The following CDH11 variants were observed in gnomAD, a reference collection of about 807,000 sequenced individuals.
The protein encoded by CDH11 is cadherin 11, also known as cadherin-11.
Under a neutral mutation model 67.8 loss-of-function variants are expected in CDH11, and 11 were observed. The observed-to-expected ratio is 0.16, with a 90% CI of 0.10 to 0.27. The LOEUF (loss-of-function observed/expected upper bound fraction) is 0.27. CDH11 is among the 10% of genes least tolerant of loss of function. CDH11 has a pLI of 1.00. For missense variants in CDH11, 847 were observed against 1,031.2 expected, an observed-to-expected ratio of 0.82 and a Z score of 2.45; for synonymous variants, 419 against 400.0, an observed-to-expected ratio of 1.05 and a Z score of -0.57.
In CDH11 at chr16:64,971,846, T is replaced by C. The variant is rs2072012906; in HGVS notation, c.1524+85A>G. On this transcript the variant is annotated intron_variant, in intron 10 of 12. Coordinates refer to ENST00000268603, the MANE Select transcript of CDH11 (RefSeq NM_001797.4). ...GCTCTGAAACCTTTTTGGGCAGTGG[T>C]TGGTATCTCCAAGTGATGGTTTAAA... 5 of 1,488,570 alleles carry C rather than the reference T, an allele frequency of 3.4e-6. No homozygotes were observed. The Admixed American group carries it at 8.6e-5, about 26-fold the overall frequency. The allele number at this position is 1,488,570 out of a possible 1,614,324, so 92.2% of individuals were successfully genotyped here. A position where few individuals can be genotyped will look rare whatever the true frequency, so the allele number is the denominator to read the frequency against.
rs1177467640 is a variant in CDH11, at chr16:64,946,876, C to T, written c.*727G>A. ...TGTTCATAAAATATAAGTGTGATGC[C>T]GTAACATTTTCTTACATGTCAGAAT... On this transcript the variant is annotated 3_prime_UTR_variant, in exon 13 of 13. Coordinates refer to ENST00000268603, the MANE Select transcript of CDH11 (RefSeq NM_001797.4). 3.6e-6 allele frequency: 3 copies of T among 827,044 alleles called. No homozygotes were observed. The highest frequency in any genetic ancestry group is 5.6e-4 in the Middle Eastern group (1 of 1,794). 51.2% of individuals were successfully genotyped at this position (827,044 alleles called of 1,614,324 possible).
chr16:65,087,017 G>A (rs1467779656), intron 1 of CDH11, among the ~76,000 whole-genome samples: 1 of 152,150 alleles, frequency 6.6e-6, no homozygotes, highest in Non-Finnish European at 1.5e-5. Context: ...GAGAAGAAAA[G>A]TGATATCATT....
intron 1 of CDH11, among the ~76,000 whole-genome samples, chr16:65,069,810 C>T (rs1439523792): frequency 1.3e-5 from 2 of 152,116 alleles, no homozygotes; most frequent in Non-Finnish European, 1.5e-5. Context: ...CCTGGAAGCC[C>T]CTTTCATTTC....
At chr16:65,116,428 G>A (rs937297484) in intron 1 of CDH11, among the ~76,000 whole-genome samples, 3 of 152,144 alleles carry the variant, frequency 2.0e-5, no homozygotes, top group Admixed American at 6.5e-5. Flanking sequence ...GGACAAAGCC[G>A]GGCTCCAGGC....
intron 1 of CDH11, among the ~76,000 whole-genome samples, chr16:65,077,154 G>T (rs2074526838): frequency 6.6e-6 from 1 of 152,182 alleles, no homozygotes; most frequent in African/African-American, 2.4e-5. Context: ...CTTTTGCAAA[G>T]GTCACAAAAT....
rs189865521 is a variant in CDH11 at position 65,061,249 on chromosome 16, C to T, written c.-297-7321G>A. Among the ~76,000 whole-genome samples, 1,437 of 152,294 alleles carry T rather than the reference C, an allele frequency of 9.4e-3. 10 individuals carry two copies. Among genetic ancestry groups the T allele is most frequent in the Non-Finnish European group, 0.015 (1,037 of 68,018 alleles). ...TTGTTTGTCCCAGGTCAGTACACTG[C>T]TAACACTCCACAGAGCTAGACTATT... On this transcript the variant is annotated intron_variant, in intron 1 of 12. Coordinates refer to ENST00000268603, the MANE Select transcript of CDH11 (RefSeq NM_001797.4).
At chr16:65,075,946 G>A (rs1401115473) in intron 1 of CDH11, among the ~76,000 whole-genome samples, 1 of 152,012 alleles carries the variant, frequency 6.6e-6, no homozygotes, top group African/African-American at 2.4e-5. Context: ...TTTATGGGCA[G>A]AGTCTAATAC....
chr16:65,040,680 C>T (rs555932689), intron 2 of CDH11, among the ~76,000 whole-genome samples: 1 of 152,152 alleles, frequency 6.6e-6, no homozygotes, highest in African/African-American at 2.4e-5. Flanking sequence ...ACGTTGTGCA[C>T]ATGTACCCTA....
chr16:64,975,686 G>A (rs1478185109), intron 8 of CDH11, among the ~76,000 whole-genome samples: 4 of 152,070 alleles, frequency 2.6e-5, no homozygotes, highest in Non-Finnish European at 5.9e-5. Flanking sequence ...TTGAGTGCTT[G>A]TGTGTTTTTA....
At chr16:64,959,600 G>C (rs934578272) in intron 11 of CDH11, among the ~76,000 whole-genome samples, 1 of 152,162 alleles carries the variant, frequency 6.6e-6, no homozygotes, top group Non-Finnish European at 1.5e-5. Flanking sequence ...TGTTCTGTGT[G>C]AGACAAACTG....
intron 2 of CDH11, among the ~76,000 whole-genome samples, chr16:65,010,174 A>T (rs904943504): frequency 1.3e-5 from 2 of 152,158 alleles, no homozygotes; most frequent in Non-Finnish European, 2.9e-5. Flanking sequence ...TTATTATTAC[A>T]TTAAGAATAT....
chr16:65,004,583 A>T, intron 3 of CDH11, 59 bp downstream of exon 3: 1 of 1,530,808 alleles, frequency 6.5e-7, no homozygotes. Context: ...CTTTCTGGCC[A>T]CAGACGACTA....
At chr16:65,098,106 G>A (rs2074930238) in intron 1 of CDH11, among the ~76,000 whole-genome samples, 1 of 152,142 alleles carries the variant, frequency 6.6e-6, no homozygotes, top group South Asian at 2.1e-4. Flanking sequence ...TAGATCAACT[G>A]TGGAAGAGAA....
At chr16:65,021,728 G>A (rs543037602) in intron 2 of CDH11, among the ~76,000 whole-genome samples, 1 of 149,978 alleles carries the variant, frequency 6.7e-6, no homozygotes, top group Admixed American at 6.6e-5. Context: ...ACTTTTTTTT[G>A]TTAGTTTGTT....
At chr16:65,022,614 C>T (rs2073450102) in intron 2 of CDH11, among the ~76,000 whole-genome samples, 1 of 152,122 alleles carries the variant, frequency 6.6e-6, no homozygotes, top group Non-Finnish European at 1.5e-5. Context: ...AATGGTGTTA[C>T]AGAAAATGAT....
chr16:65,062,775 C>G (rs2142744921), intron 1 of CDH11, among the ~76,000 whole-genome samples: 1 of 152,298 alleles, frequency 6.6e-6, no homozygotes, highest in South Asian at 2.1e-4. Flanking sequence ...AAAGAGCTTT[C>G]AAACCAATGA....
chr16:64,973,438 A>G (rs560174686), intron 8 of CDH11, among the ~76,000 whole-genome samples: 5 of 152,324 alleles, frequency 3.3e-5, no homozygotes, highest in East Asian at 1.9e-4. Context: ...TTGCATATGA[A>G]ATTTTAAATC....
At chr16:65,090,749 C>T (rs2074779798) in intron 1 of CDH11, among the ~76,000 whole-genome samples, 1 of 152,106 alleles carries the variant, frequency 6.6e-6, no homozygotes, top group Admixed American at 6.5e-5. Flanking sequence ...CCTAAAGGCT[C>T]CAAATTAAAA....
At position 64,946,453 on chromosome 16, in the gene CDH11, C is replaced by T. The variant is rs2071199398; in HGVS notation, c.*1150G>A. The T allele has an allele frequency of 9.7e-7, 1 of 1,032,464 alleles. No individual in the cohort carries two copies. Among genetic ancestry groups the T allele is most frequent in the Non-Finnish European group, 1.2e-6 (1 of 858,336 alleles). 64.0% of individuals were successfully genotyped at this position (1,032,464 alleles called of 1,614,324 possible). On this transcript the variant is annotated 3_prime_UTR_variant, in exon 13 of 13. Transcript: ENST00000268603. Reference sequence around the variant, plus strand: ...TCATAACCATCAAATTACTGATATACAAGATAAATGCATACTATATAACAC... The same window carrying T: ...TCATAACCATCAAATTACTGATATATAAGATAAATGCATACTATATAACAC...
Sources: allele counts gnomAD v4.1 joint callset (sites outside exome capture counted in the v4.1 genomes callset), GRCh38; gene constraint gnomAD v4.1.1; transcripts MANE v1.5; gene names NCBI Gene and HGNC (gene_info 2026-07-23, HGNC 2026-07-21).